RPS6KA2: variants seen among roughly 807,000 people sequenced by gnomAD.
RPS6KA2 encodes the protein ribosomal protein S6 kinase A2.
A neutral mutation model predicts 91.8 loss-of-function variants in RPS6KA2; 42 were observed. The ratio of observed to expected loss-of-function variants is 0.46; its 90% CI spans 0.36 to 0.59. The LOEUF (loss-of-function observed/expected upper bound fraction) is 0.59. Among genes scored for constraint, RPS6KA2 ranks in the 20% least tolerant of loss-of-function variants. RPS6KA2 has a pLI of 0.00. For missense variants in RPS6KA2, 798 were observed against 978.5 expected, an observed-to-expected ratio of 0.82 and a Z score of 2.46; for synonymous variants, 414 against 393.6, an observed-to-expected ratio of 1.05 and a Z score of -0.61.
exon 1 of RPS6KA2, chr6:166,862,260 G>T: frequency 6.2e-7 from 1 of 1,600,466 alleles, no homozygotes; most frequent in Non-Finnish European, 8.5e-7. Context: ...ACGGCCAGAC[G>T]GGATGTCGGA....
chr6:166,503,204 A>G (rs1355305688), intron 6 of RPS6KA2, among the ~76,000 whole-genome samples: 1 of 152,182 alleles, frequency 6.6e-6, no homozygotes, highest in East Asian at 1.9e-4. Flanking sequence ...CGGATGAGGG[A>G]TGCTCCAGCT....
intron 2 of RPS6KA2, among the ~76,000 whole-genome samples, chr6:166,840,849 G>A (rs1388662572): frequency 2.0e-5 from 3 of 152,078 alleles, no homozygotes; most frequent in Non-Finnish European, 4.4e-5. Context: ...TGTAGTCCCA[G>A]CTACTCAGGA....
chr6:166,550,645 G>A (rs1042906325), intron 1 of RPS6KA2, among the ~76,000 whole-genome samples: 49 of 152,228 alleles, frequency 3.2e-4, no homozygotes, highest in East Asian at 5.8e-4. Context: ...CCTGGGAGGT[G>A]GGTGTCTCTA....
chr6:166,532,010 T>C (rs1783295907), intron 2 of RPS6KA2, among the ~76,000 whole-genome samples: 1 of 151,302 alleles, frequency 6.6e-6, no homozygotes, highest in Non-Finnish European at 1.5e-5. Flanking sequence ...ATTAAGAAAA[T>C]AGTACTTGAT....
chr6:166,615,082 C>A (rs1254332631), intron 1 of RPS6KA2, among the ~76,000 whole-genome samples: 5 of 152,168 alleles, frequency 3.3e-5, no homozygotes, highest in Admixed American at 1.3e-4. Flanking sequence ...CCGGATGAAG[C>A]CCAGGTCCCG....
chr6:166,638,372 G>A (rs1787316019), intron 2 of RPS6KA2, among the ~76,000 whole-genome samples: 1 of 152,168 alleles, frequency 6.6e-6, no homozygotes, highest in East Asian at 1.9e-4. Flanking sequence ...ATAAGCTTAA[G>A]GAGATAAAAG....
At chr6:166,664,470 A>G (rs1358752184) in intron 2 of RPS6KA2, among the ~76,000 whole-genome samples, 2 of 152,238 alleles carry the variant, frequency 1.3e-5, no homozygotes, top group Non-Finnish European at 2.9e-5. Context: ...AAGATATTTT[A>G]AGGGCATCAG....
Position 166,770,895 on chromosome 6 carries a change from C to T in RPS6KA2, c.123+87305G>A. The T allele has an allele frequency of 6.3e-7, 1 of 1,597,482 alleles. No homozygotes were observed. Among genetic ancestry groups the T allele is most frequent in the East Asian group, 2.2e-5 (1 of 44,882 alleles). ...GATCCAGCTACCTTTGTCTTGCAGG[C>T]AGCTGAGTCACTTTTGCCCTGTGAA... is the stretch of plus-strand genomic sequence containing the variant. On this transcript the variant is annotated intron_variant, in intron 2 of 21. Transcript: ENST00000503859. This position sits in a 1 kb window ranked among gnomAD's most constrained non-coding sequence, Gnocchi z 5.1.
In RPS6KA2 at chr6:166,412,858, T is replaced by C. The variant is rs1207348894; in HGVS notation, c.2106A>G (p.Leu702=). 4.5e-6 allele frequency: 7 copies of C among 1,563,866 alleles called. No homozygotes were observed. Among genetic ancestry groups the C allele is most frequent in the Middle Eastern group, 1.7e-4 (1 of 6,010 alleles). Residue 702 remains leucine, a synonymous_variant, in exon 21 of 21, where the codon CTA becomes CTG. Coordinates refer to ENST00000265678, the MANE Select transcript of RPS6KA2 (RefSeq NM_021135.6). This position sits in a 1 kb window ranked among gnomAD's most constrained non-coding sequence, Gnocchi z 4.3. Reference sequence around the variant, plus strand: ...GCCGCGGGGCCTGAGGTGTTCTGTTTAGAGCAAAGTAGGTGGCGGCCATCG... The same window carrying C: ...GCCGCGGGGCCTGAGGTGTTCTGTTCAGAGCAAAGTAGGTGGCGGCCATCG... ...KGAMAATYFA[L]NRTPQAPRLE...
At chr6:166,471,256 T>A (rs373782021) in intron 10 of RPS6KA2, among the ~76,000 whole-genome samples, 2 of 151,982 alleles carry the variant, frequency 1.3e-5, no homozygotes, top group East Asian at 1.9e-4. Flanking sequence ...TGGCCTGGAG[T>A]GGCGCAGGTC....
intron 1 of RPS6KA2, among the ~76,000 whole-genome samples, chr6:166,613,377 A>G (rs896053500): frequency 1.3e-5 from 2 of 152,220 alleles, no homozygotes; most frequent in Non-Finnish European, 2.9e-5. Context: ...TTTTTTCAAA[A>G]CAATTTTGTC....
At chr6:166,748,709 C>T (rs1475186314) in intron 2 of RPS6KA2, among the ~76,000 whole-genome samples, 10 of 44,190 alleles carry the variant, frequency 2.3e-4, no homozygotes, top group East Asian at 1.2e-3. Flanking sequence ...CCCACCTCCT[C>T]AGGCCCCCAT....
At chr6:166,646,342 C>T (rs552369519) in intron 2 of RPS6KA2, among the ~76,000 whole-genome samples, 31 of 152,336 alleles carry the variant, frequency 2.0e-4, no homozygotes, top group African/African-American at 6.3e-4. Flanking sequence ...CACGCCCACA[C>T]GGCCATTGCC....
At position 166,500,154 on chromosome 6, in the gene RPS6KA2, G is replaced by T. The variant is rs1038446530; in HGVS notation, c.604+733C>A. 1.3e-5 allele frequency among the ~76,000 whole-genome samples: 2 copies of T among 152,218 alleles called. No homozygotes were observed. Among genetic ancestry groups the T allele is most frequent in the African/African-American group, 4.8e-5 (2 of 41,456 alleles). On this transcript the variant is annotated intron_variant, in intron 7 of 20. Coordinates refer to ENST00000265678, the MANE Select transcript of RPS6KA2 (RefSeq NM_021135.6). This position sits in a 1 kb window ranked among gnomAD's most constrained non-coding sequence, Gnocchi z 4.3. ...CTAAGCAAGGGAGTCTCCTCTAGAG[G>T]CCCCCAAAAGGCAGGCAGCCCTGCT...
At chr6:166,458,603 A>AAGAAGAC (rs1276322169) in intron 12 of RPS6KA2, among the ~76,000 whole-genome samples, 2 of 152,192 alleles carry the variant, frequency 1.3e-5, no homozygotes, top group African/African-American at 4.8e-5. Context: ...GTGTCCTTAT[A>AAGAAGAC]AGAAGACAGA....
At chr6:166,513,207 A>G (rs1782530477) in intron 3 of RPS6KA2, among the ~76,000 whole-genome samples, 1 of 152,188 alleles carries the variant, frequency 6.6e-6, no homozygotes, top group Non-Finnish European at 1.5e-5. Flanking sequence ...CTTGCCTTAG[A>G]GTCTAGACAG....
At chr6:166,744,440 G>A (rs1297312675) in intron 2 of RPS6KA2, among the ~76,000 whole-genome samples, 1 of 152,236 alleles carries the variant, frequency 6.6e-6, no homozygotes, top group Non-Finnish European at 1.5e-5. Context: ...GCCTCTGGGG[G>A]TAGGCTGGGT....
intron 2 of RPS6KA2, among the ~76,000 whole-genome samples, chr6:166,845,202 A>C (rs1171123469): frequency 6.6e-6 from 1 of 152,234 alleles, no homozygotes; most frequent in African/African-American, 2.4e-5. Flanking sequence ...TGGAGCTCCC[A>C]AGTTTACAAA....
At chr6:166,472,899 G>A (rs1380892034) in intron 10 of RPS6KA2, among the ~76,000 whole-genome samples, 2 of 152,140 alleles carry the variant, frequency 1.3e-5, no homozygotes, top group South Asian at 2.1e-4. Flanking sequence ...ACAGAAGGCC[G>A]GAATTCCCTC....
Sources: allele counts gnomAD v4.1 joint callset (sites outside exome capture counted in the v4.1 genomes callset), GRCh38; gene constraint gnomAD v4.1.1; non-coding constraint Gnocchi (gnomAD v3.1); transcripts MANE v1.5; gene names NCBI Gene and HGNC (gene_info 2026-07-23, HGNC 2026-07-21).